LRRTM1: variants seen among roughly 807,000 people sequenced by gnomAD.
LRRTM1 encodes leucine-rich repeat transmembrane neuronal protein 1.
LRRTM1 carries 8 observed loss-of-function variants against 37.3 expected under a neutral mutation model. That is an observed-to-expected ratio of 0.21 (90% CI 0.13 to 0.39). LRRTM1 has a LOEUF of 0.39. Among genes scored for constraint, LRRTM1 ranks in the 10% least tolerant of loss-of-function variants. The probability of loss-of-function intolerance (pLI) is 1.00; values close to 1 mark genes in which losing one functional copy is unlikely to be tolerated. For synonymous variants in LRRTM1, 326 were observed against 316.8 expected (o/e 1.03, Z -0.31); for missense variants, 557 against 691.0 (o/e 0.81, Z 2.17).
downstream of LRRTM1, chr2:80,299,766 C>T (rs1676075951): frequency 6.6e-6 from 1 of 152,134 alleles, no homozygotes; most frequent in Non-Finnish European, 1.5e-5. Context: ...ATTCAGATTT[C>T]TAGAGGGTAG....
chr2:80,292,316 A>C (rs1675333623), intron 2 of LRRTM1, among the ~76,000 whole-genome samples: 1 of 152,308 alleles, frequency 6.6e-6, no homozygotes, highest in African/African-American at 2.4e-5. Context: ...AGGATCAGAA[A>C]GGTTAATTGC....
At chr2:80,292,854 G>A (rs1385615142) in intron 2 of LRRTM1, among the ~76,000 whole-genome samples, 1 of 152,096 alleles carries the variant, frequency 6.6e-6, no homozygotes, top group Non-Finnish European at 1.5e-5. Context: ...ATGTTTAGTG[G>A]CATTTCAGTT....
At position 80,304,211 on chromosome 2, in the gene LRRTM1, A is replaced by C; in HGVS notation, c.-119T>G. On this transcript the variant is annotated 5_prime_UTR_variant, in exon 1 of 2. Coordinates refer to ENST00000295057, the MANE Select transcript of LRRTM1 (RefSeq NM_178839.5). ...CTCCCTTTGTGTGCAGGCTAATTAT[A>C]TGCAGGGCGAGAGAAGACCCCTCTG... is the stretch of plus-strand genomic sequence containing the variant. 5 of 162,744 alleles carry C rather than the reference A, an allele frequency of 3.1e-5. No homozygotes were observed. Among genetic ancestry groups the C allele is most frequent in the Non-Finnish European group, 2.7e-5 (2 of 74,996 alleles). 10.1% of individuals were successfully genotyped at this position (162,744 alleles called of 1,614,324 possible).
At chr2:80,300,963 G>T (rs530801701), downstream of LRRTM1, among the ~76,000 whole-genome samples, 1 of 151,818 alleles carries the variant, frequency 6.6e-6, no homozygotes, top group Admixed American at 6.6e-5. Context: ...AAAAAAAAAG[G>T]GAAAGCAAGC....
At chr2:80,298,274 CA>C (rs1675939398), downstream of LRRTM1, 1 of 152,138 alleles carries the variant, frequency 6.6e-6, no homozygotes, top group Admixed American at 6.5e-5. Context: ...CTGTCAATGG[CA>C]GACCCAAATC....
At chr2:80,293,861 C>T (rs1573618361) in intron 2 of LRRTM1, among the ~76,000 whole-genome samples, 1 of 151,998 alleles carries the variant, frequency 6.6e-6, no homozygotes, top group Non-Finnish European at 1.5e-5. Flanking sequence ...TCTTGGGTGT[C>T]GTGGAGTCTC....
Position 80,302,828 on chromosome 2 carries a change from T to C in LRRTM1, c.992A>G (p.Asn331Ser), listed in dbSNP as rs1558984314. ...GTTGCCATCGTAGCGCCCCTGGAAGTTGTTGAGCCACGAGGCTAGGGCACA... is the reference window on the plus strand; with the variant it reads ...GTTGCCATCGTAGCGCCCCTGGAAGCTGTTGAGCCACGAGGCTAGGGCACA... ...NVCALASWLN[N>S]FQGRYDGNLQ... Residue 331 changes from asparagine to serine, a missense_variant, in exon 2 of 2, where the codon AAC (asparagine) becomes AGC (serine). Physicochemically the swap from Asn to Ser is conservative, Grantham distance 46. Around this residue, in one of 5 missense-constraint regions of LRRTM1, gnomAD observed 200 missense variants for 249.9 expected, o/e 0.80. Coordinates refer to ENST00000295057, the MANE Select transcript of LRRTM1 (RefSeq NM_178839.5). The surrounding 1 kb of genome is among the most constrained non-coding windows in gnomAD (Gnocchi z 6.4). 5.0e-6 allele frequency: 8 copies of C among 1,614,002 alleles called. No homozygotes were observed. Among genetic ancestry groups the C allele is most frequent in the Non-Finnish European group, 6.8e-6 (8 of 1,180,022 alleles).
chr2:80,297,195 T>TGAG (rs1251557649), downstream of LRRTM1, among the ~76,000 whole-genome samples: 1 of 152,204 alleles, frequency 6.6e-6, no homozygotes, highest in Non-Finnish European at 1.5e-5. Context: ...GTGTTGAGCA[T>TGAG]GTATCCTGTT....
rs1350234807 is a variant in LRRTM1 at position 80,303,156 on chromosome 2, C to T, written c.664G>A (p.Val222Ile). 2 of 1,614,126 alleles carry T rather than the reference C, an allele frequency of 1.2e-6. No individual in the cohort carries two copies. Among genetic ancestry groups the T allele is most frequent in the South Asian group, 1.1e-5 (1 of 91,082 alleles). The change falls in exon 2 of 2, where the codon GTC becomes ATC. Residue 222 changes from valine to isoleucine, a missense_variant. By Grantham distance (29) the Val-to-Ile change is conservative. Around this residue, in one of 5 missense-constraint regions of LRRTM1, gnomAD observed 200 missense variants for 249.9 expected, o/e 0.80. Transcript: ENST00000295057. This position sits in a 1 kb window ranked among gnomAD's most constrained non-coding sequence, Gnocchi z 7.7. ...TELHLEHNDL[V>I]KVNFAHFPRL... is the part of the protein sequence containing the mutation. ...GGGAAGTGGGCGAAGTTCACCTTGA[C>T]CAAGTCGTTGTGCTCGAGGTGCAGC... is the stretch of plus-strand genomic sequence containing the variant.
chr2:80,291,154 C>A (rs554808464), intron 2 of LRRTM1, among the ~76,000 whole-genome samples: 9 of 152,336 alleles, frequency 5.9e-5, no homozygotes, highest in Admixed American at 2.6e-4. Flanking sequence ...GATAGTTTTT[C>A]CTCGTGGGAT....
rs138747880 is a variant in LRRTM1 at position 80,302,530 on chromosome 2, C to T, written c.1290G>A (p.Thr430=). Residue 430 remains threonine, a synonymous_variant, in exon 2 of 2, where the codon ACG becomes ACA. Coordinates refer to ENST00000295057, the MANE Select transcript of LRRTM1 (RefSeq NM_178839.5). This position sits in a 1 kb window ranked among gnomAD's most constrained non-coding sequence, Gnocchi z 6.4. ...AGGAGAAGATGAGGGCCATGGTGCC[C>T]GTGACCACCTTGTGGATCTGCACGG... ...ENAVQIHKVV[T]GTMALIFSFL... 1.5e-4 allele frequency: 242 copies of T among 1,611,556 alleles called. No individual in the cohort carries two copies. The Middle Eastern group carries it at 1.8e-3, about 12-fold the overall frequency.
In LRRTM1 at chr2:80,303,883, A is replaced by G; in HGVS notation, c.-59-5T>C. ...TGGAAGCGCTCGGTCAGAAATCTAC[A>G]TCATATTTTATTCCGAGGGAGGGGA... On this transcript the variant is annotated splice_region_variant and splice_polypyrimidine_tract_variant and intron_variant, in intron 1 of 1. Coordinates refer to ENST00000295057, the MANE Select transcript of LRRTM1 (RefSeq NM_178839.5). This position sits in a 1 kb window ranked among gnomAD's most constrained non-coding sequence, Gnocchi z 7.7. The G allele has an allele frequency of 6.9e-7, 1 of 1,459,738 alleles. No individual in the cohort carries two copies. The highest frequency in any genetic ancestry group is 9.1e-7 in the Non-Finnish European group (1 of 1,103,732). The allele number at this position is 1,459,738 out of a possible 1,614,324, so 90.4% of individuals were successfully genotyped here.
chr2:80,304,208 T>G lies in LRRTM1; in HGVS notation c.-116A>C. ...CTGCTCCCTTTGTGTGCAGGCTAAT[T>G]ATATGCAGGGCGAGAGAAGACCCCT... On this transcript the variant is annotated 5_prime_UTR_variant, in exon 1 of 2. Coordinates refer to ENST00000295057, the MANE Select transcript of LRRTM1 (RefSeq NM_178839.5). 6.0e-6 allele frequency: 1 copy of G among 167,734 alleles called. No individual in the cohort carries two copies. Among genetic ancestry groups the G allele is most frequent in the Non-Finnish European group, 1.3e-5 (1 of 78,550 alleles). 10.4% of individuals were successfully genotyped at this position (167,734 alleles called of 1,614,324 possible).
At chr2:80,298,005 G>A (rs1675903708), downstream of LRRTM1, among the ~76,000 whole-genome samples, 2 of 151,522 alleles carry the variant, frequency 1.3e-5, no homozygotes, top group South Asian at 4.2e-4. Context: ...ATGTGTGTGT[G>A]TGTGGTACTA....
chr2:80,304,071 C>A, intron 1 of LRRTM1, 81 bp downstream of exon 1: 1 of 404,808 alleles, frequency 2.5e-6, no homozygotes, highest in Non-Finnish European at 4.4e-6. Context: ...TGATTTGGTC[C>A]ATGTTAGATG....
chr2:80,290,075 G>T (rs192068780), intron 2 of LRRTM1, among the ~76,000 whole-genome samples: 1 of 152,190 alleles, frequency 6.6e-6, no homozygotes, highest in East Asian at 1.9e-4. Flanking sequence ...TCACTCACAT[G>T]ATCTCATTTG....
At chr2:80,289,445 T>G (rs2149175331) in intron 2 of LRRTM1, among the ~76,000 whole-genome samples, 1 of 152,320 alleles carries the variant, frequency 6.6e-6, no homozygotes, top group South Asian at 2.1e-4. Context: ...TGATTTAGTG[T>G]TCTCATTAAA....
chr2:80,302,423 G>C lies in LRRTM1; in HGVS notation c.1397C>G (p.Thr466Arg), dbSNP rs367964180. The C allele has an allele frequency of 3.1e-6, 5 of 1,614,106 alleles. No individual in the cohort carries two copies. Among genetic ancestry groups the C allele is most frequent in the South Asian group, 1.1e-5 (1 of 91,088 alleles). Residue 466 changes from threonine (T) to arginine (R), a missense_variant, in exon 2 of 2, where the codon ACG (threonine) becomes AGG (arginine). Around this residue, in one of 5 missense-constraint regions of LRRTM1, gnomAD observed 90 missense variants for 149.4 expected, o/e 0.60. Transcript: ENST00000295057. This position sits in a 1 kb window ranked among gnomAD's most constrained non-coding sequence, Gnocchi z 6.4. ...SLRQLRQCFV[T>R]QRRKQKQKQT... is the part of the protein sequence containing the mutation. ...TTTCTGCTTTTGCTTCCTGCGCTGC[G>C]TGACAAAGCACTGTCTGAGCTGCCT...
At chr2:80,291,394 G>C (rs75016821) in intron 2 of LRRTM1, among the ~76,000 whole-genome samples, 1,760 of 152,278 alleles carry the variant, frequency 0.012, 32 homozygotes, top group African/African-American at 0.04. Context: ...ACTTGCTCAA[G>C]GGCCAGGAGC....
Sources: allele counts gnomAD v4.1 joint callset (sites outside exome capture counted in the v4.1 genomes callset), GRCh38; gene constraint gnomAD v4.1.1; regional missense constraint gnomAD v4.1.1; non-coding constraint Gnocchi (gnomAD v3.1); transcripts MANE v1.5; gene names NCBI Gene and HGNC (gene_info 2026-07-23, HGNC 2026-07-21).